GLUD1: variants seen among roughly 807,000 people sequenced by gnomAD.
GLUD1 encodes glutamate dehydrogenase 1.
In GLUD1, 22 loss-of-function variants were observed where a neutral mutation model predicts 56.0. The observed-to-expected ratio is 0.39, with a 90% CI of 0.28 to 0.56. GLUD1 has a LOEUF of 0.56. Ranked by LOEUF, GLUD1 falls within the 20% of genes least tolerant of loss-of-function variation. GLUD1 has a pLI of 0.58. For missense variants in GLUD1, 451 were observed against 732.0 expected (o/e 0.62, Z 4.43); for synonymous variants, 223 against 269.9 (o/e 0.83, Z 1.70).
chr10:87,057,799 A>C lies in GLUD1; in HGVS notation c.1403-17T>G. The C allele has an allele frequency of 8.1e-7, 1 of 1,236,674 alleles. No homozygotes were observed. The highest frequency in any genetic ancestry group is 1.2e-6 in the Non-Finnish European group (1 of 835,866). The allele number at this position is 1,236,674 out of a possible 1,614,324, so 76.6% of individuals were successfully genotyped here. ...GAACAGACACTACAAAAAAATAACA[A>C]GAGATCAAGATATTGCTAACAGAAA... On this transcript the variant is annotated splice_polypyrimidine_tract_variant and intron_variant, in intron 10 of 12. Transcript: ENST00000277865.
intron 1 of GLUD1, chr10:87,093,925 A>C (rs1387642274): frequency 7.4e-7 from 1 of 1,346,512 alleles, no homozygotes; most frequent in East Asian, 4.4e-5. Context: ...CATTTAGGGG[A>C]GACTCACAAA....
intron 5 of GLUD1, among the ~76,000 whole-genome samples, chr10:87,067,134 T>G (rs1846099055): frequency 6.6e-6 from 1 of 152,280 alleles, no homozygotes. Context: ...GCTGCCAGCC[T>G]ATTCTTCCCC....
chr10:87,087,870 C>T (rs866898498), intron 1 of GLUD1, among the ~76,000 whole-genome samples: 5 of 152,074 alleles, frequency 3.3e-5, no homozygotes, highest in East Asian at 1.9e-4. Flanking sequence ...CACATGAGGT[C>T]GGGAGTTCGA....
intron 1 of GLUD1, chr10:87,091,559 C>G: frequency 1.1e-6 from 1 of 895,322 alleles, no homozygotes; most frequent in Non-Finnish European, 1.3e-6. Flanking sequence ...CCCTTCAGAT[C>G]CTTTAGCTTA....
intron 4 of GLUD1, among the ~76,000 whole-genome samples, chr10:87,069,501 T>C (rs550090025): frequency 1.7e-3 from 237 of 136,212 alleles, no homozygotes; most frequent in Non-Finnish European, 3.1e-3. Flanking sequence ...GGCGACAGAG[T>C]AAGACTCTGT....
chr10:87,067,137 T>A (rs1347849978), intron 5 of GLUD1, among the ~76,000 whole-genome samples: 1 of 152,278 alleles, frequency 6.6e-6, no homozygotes, highest in African/African-American at 2.4e-5. Context: ...GCCAGCCTAT[T>A]CTTCCCCAGG....
chr10:87,075,505 G>A (rs552487353), intron 3 of GLUD1, among the ~76,000 whole-genome samples: 2 of 152,332 alleles, frequency 1.3e-5, no homozygotes, highest in South Asian at 4.1e-4. Flanking sequence ...CACGCTATGA[G>A]TTAATTCTTT....
chr10:87,082,324 T>C (rs1466358844), intron 1 of GLUD1, among the ~76,000 whole-genome samples: 3 of 152,230 alleles, frequency 2.0e-5, no homozygotes, highest in Non-Finnish European at 4.4e-5. Context: ...AGAAACTGTG[T>C]GTGTATAACA....
chr10:87,071,536 T>C (rs1589368826), intron 4 of GLUD1, among the ~76,000 whole-genome samples: 1 of 152,184 alleles, frequency 6.6e-6, no homozygotes, highest in African/African-American at 2.4e-5. Context: ...GAAGTTAATC[T>C]TTTTTAAAAA....
Position 87,094,834 on chromosome 10 carries a change from G to C in GLUD1, c.-65C>G. The C allele has an allele frequency of 7.8e-7, 1 of 1,280,052 alleles. No homozygotes were observed. Among genetic ancestry groups the C allele is most frequent in the African/African-American group, 1.5e-5 (1 of 65,048 alleles). The allele number at this position is 1,280,052 out of a possible 1,614,324, so 79.3% of individuals were successfully genotyped here. A position where few individuals can be genotyped will look rare whatever the true frequency, so the allele number is the denominator to read the frequency against. ...AGGCGCGCTTTCTCAGACTCCCCGCGACTAGGGAGGAAGGGTCCCGCGCGG... is the reference window on the plus strand; with the variant it reads ...AGGCGCGCTTTCTCAGACTCCCCGCCACTAGGGAGGAAGGGTCCCGCGCGG... On this transcript the variant is annotated 5_prime_UTR_variant, in exon 1 of 13. Transcript: ENST00000277865. The surrounding 1 kb of genome is among the most constrained non-coding windows in gnomAD (Gnocchi z 6.6).
At chr10:87,074,423 C>T (rs770193841) in intron 4 of GLUD1, 128 bp downstream of exon 4, 78 of 689,498 alleles carry the variant, frequency 1.1e-4, no homozygotes, top group Admixed American at 5.2e-4. Context: ...ATTGCTTGAA[C>T]CCAGGAGGCG....
intron 5 of GLUD1, among the ~76,000 whole-genome samples, chr10:87,066,552 T>A (rs768903370): frequency 2.0e-5 from 3 of 152,184 alleles, no homozygotes; most frequent in Non-Finnish European, 2.9e-5. Context: ...CTCAGGTAAT[T>A]CCTTCTGTTC....
At chr10:87,060,405 C>T in intron 8 of GLUD1, 164 bp from the exon 9 acceptor site, 1 of 688,262 alleles carries the variant, frequency 1.5e-6, no homozygotes, top group South Asian at 1.6e-5. Context: ...ATAAAACTAC[C>T]TTTCACTTTT....
chr10:87,075,031 AG>A (rs1290655223), intron 3 of GLUD1, among the ~76,000 whole-genome samples: 3 of 152,226 alleles, frequency 2.0e-5, no homozygotes, highest in African/African-American at 4.8e-5. Context: ...CTGGATAAAA[AG>A]TAAGGTTTTT....
At chr10:87,089,735 T>C (rs1841468195) in intron 1 of GLUD1, 2 of 980,334 alleles carry the variant, frequency 2.0e-6, no homozygotes, top group Non-Finnish European at 2.4e-6. Context: ...GTATTTCACA[T>C]ATTAACAATT....
intron 1 of GLUD1, among the ~76,000 whole-genome samples, chr10:87,086,045 C>G (rs370689469): frequency 1.1e-4 from 17 of 152,282 alleles, no homozygotes; most frequent in African/African-American, 3.4e-4. Context: ...GAAACCTCAG[C>G]TATCCAGTTT....
At chr10:87,067,552 T>A (rs550364620) in intron 5 of GLUD1, among the ~76,000 whole-genome samples, 2 of 152,236 alleles carry the variant, frequency 1.3e-5, no homozygotes, top group African/African-American at 2.4e-5. Context: ...ATTACCTTTA[T>A]AAATATGCCT....
intron 4 of GLUD1, among the ~76,000 whole-genome samples, chr10:87,072,852 G>A (rs1383000346): frequency 1.3e-5 from 2 of 152,216 alleles, no homozygotes; most frequent in African/African-American, 4.8e-5. Flanking sequence ...TTAACAGGCT[G>A]AAGATGACTT....
intron 1 of GLUD1, among the ~76,000 whole-genome samples, chr10:87,080,820 G>T (rs561315966): frequency 1.3e-5 from 2 of 151,130 alleles, no homozygotes; most frequent in African/African-American, 4.9e-5. Context: ...CTCTCCGCCC[G>T]GCAGCCGACC....
Sources: gnomAD v4.1 joint callset for allele counts (sites outside exome capture counted in the v4.1 genomes callset) on GRCh38, gnomAD v4.1.1 for gene constraint, Gnocchi (gnomAD v3.1) non-coding constraint, MANE v1.5 for transcripts, NCBI Gene and HGNC (gene_info 2026-07-23, HGNC 2026-07-21) for gene names.